CA10: variants seen among roughly 807,000 people sequenced by gnomAD.
CA10 encodes the protein carbonic anhydrase-related protein 10.
In CA10, 14 loss-of-function variants were observed where a neutral mutation model predicts 44.2. That is an observed-to-expected ratio of 0.32 (90% CI 0.21 to 0.50). CA10 has a LOEUF of 0.50. CA10 is among the 20% of genes least tolerant of loss of function. CA10 has a pLI of 0.99. For missense variants in CA10, 350 were observed against 409.7 expected, an observed-to-expected ratio of 0.85 and a Z score of 1.26; for synonymous variants, 159 against 141.6, an observed-to-expected ratio of 1.12 and a Z score of -0.87.
intron 2 of CA10, among the ~76,000 whole-genome samples, chr17:51,978,182 T>G (rs1490377376): frequency 6.6e-6 from 1 of 152,068 alleles, no homozygotes; most frequent in Non-Finnish European, 1.5e-5. Flanking sequence ...ATTCTAAAGT[T>G]TATATAATAA....
intron 1 of CA10, among the ~76,000 whole-genome samples, chr17:52,096,317 GGAA>G (rs1486845306): frequency 1.3e-5 from 2 of 152,160 alleles, no homozygotes; most frequent in South Asian, 2.1e-4. Flanking sequence ...TCTACTGTCA[GGAA>G]GAAGGAGTCT....
intron 4 of CA10, among the ~76,000 whole-genome samples, chr17:51,682,608 C>T (rs1271307): frequency 0.43 from 64,697 of 151,914 alleles, 14,170 homozygotes; most frequent in African/African-American, 0.52. Flanking sequence ...CAGCGGATTC[C>T]TTCTTAAGCG....
At chr17:52,072,716 C>CACACACACACA (rs776721118) in intron 1 of CA10, among the ~76,000 whole-genome samples, 1 of 123,400 alleles carries the variant, frequency 8.1e-6, no homozygotes, top group East Asian at 2.2e-4. Context: ...CACACACACA[C>CACACACACACA]AACACACACA....
intron 1 of CA10, among the ~76,000 whole-genome samples, chr17:52,151,321 G>T (rs2143412468): frequency 6.6e-6 from 1 of 151,778 alleles, no homozygotes; most frequent in Non-Finnish European, 1.5e-5. Flanking sequence ...ATATCTTCTT[G>T]TCTATGAACA....
At chr17:51,673,007 G>C (rs1382885299) in intron 4 of CA10, among the ~76,000 whole-genome samples, 1 of 152,178 alleles carries the variant, frequency 6.6e-6, no homozygotes, top group African/African-American at 2.4e-5. Flanking sequence ...ACTCTGTCTT[G>C]GCTGAGACAA....
intron 4 of CA10, among the ~76,000 whole-genome samples, chr17:51,673,617 C>T (rs940218342): frequency 2.6e-5 from 4 of 152,222 alleles, no homozygotes; most frequent in Non-Finnish European, 5.9e-5. Flanking sequence ...AGTGCTACTG[C>T]TTCAGATCAG....
chr17:51,874,548 T>A (rs915312430), intron 3 of CA10, among the ~76,000 whole-genome samples: 1 of 152,138 alleles, frequency 6.6e-6, no homozygotes, highest in Non-Finnish European at 1.5e-5. Flanking sequence ...TCTGACCACA[T>A]GCACCAGGAA....
intron 1 of CA10, among the ~76,000 whole-genome samples, chr17:52,079,894 T>G (rs190167157): frequency 6.6e-6 from 1 of 152,226 alleles, no homozygotes; most frequent in Non-Finnish European, 1.5e-5. Flanking sequence ...GAAACTCATT[T>G]CTATCTCTCC....
At chr17:52,148,746 G>C (rs901571607) in intron 1 of CA10, among the ~76,000 whole-genome samples, 6 of 152,092 alleles carry the variant, frequency 3.9e-5, no homozygotes, top group African/African-American at 1.4e-4. Flanking sequence ...CAGGCACTGG[G>C]TTGGGTAATG....
At chr17:52,028,666 G>A (rs936264126) in intron 2 of CA10, among the ~76,000 whole-genome samples, 3 of 152,080 alleles carry the variant, frequency 2.0e-5, no homozygotes, top group African/African-American at 7.2e-5. Flanking sequence ...ACCTGGGTGT[G>A]GACAAAATAA....
intron 2 of CA10, among the ~76,000 whole-genome samples, chr17:51,946,001 T>G (rs1983258721): frequency 6.6e-6 from 1 of 152,122 alleles, no homozygotes; most frequent in Admixed American, 6.6e-5. Context: ...ATCTTGTCAT[T>G]TGGGACAACA....
At chr17:51,899,158 A>G (rs1440623573) in intron 3 of CA10, among the ~76,000 whole-genome samples, 3 of 151,980 alleles carry the variant, frequency 2.0e-5, no homozygotes, top group African/African-American at 7.2e-5. Context: ...AGACCTTTCT[A>G]AAGTTTTGAT....
intron 1 of CA10, among the ~76,000 whole-genome samples, chr17:52,112,580 T>C (rs1255930262): frequency 1.3e-5 from 2 of 152,242 alleles, no homozygotes; most frequent in African/African-American, 2.4e-5. Context: ...CTATCACTTA[T>C]TAGCTGTGGT....
chr17:51,868,002 T>G (rs558930875), intron 3 of CA10, among the ~76,000 whole-genome samples: 1 of 151,878 alleles, frequency 6.6e-6, no homozygotes, highest in African/African-American at 2.4e-5. Context: ...TAAACATAAA[T>G]AAGCCTAGGT....
intron 3 of CA10, among the ~76,000 whole-genome samples, chr17:51,867,247 G>T (rs748914427): frequency 3.3e-5 from 5 of 152,148 alleles, no homozygotes; most frequent in Non-Finnish European, 7.3e-5. Context: ...TCCTGGTACT[G>T]ATGACTCGTG....
chr17:51,917,365 C>T (rs1241306155), intron 3 of CA10, among the ~76,000 whole-genome samples: 3 of 106,086 alleles, frequency 2.8e-5, no homozygotes, highest in Admixed American at 9.1e-5. Flanking sequence ...TGAAGGCTGC[C>T]TCCCTAGACC....
intron 3 of CA10, among the ~76,000 whole-genome samples, chr17:51,911,085 A>AT (rs1981771345): frequency 6.6e-6 from 1 of 152,168 alleles, no homozygotes; most frequent in African/African-American, 2.4e-5. Context: ...AACCTAAAGC[A>AT]TTATGTGACA....
At chr17:52,100,333 C>T (rs1189166329) in intron 1 of CA10, among the ~76,000 whole-genome samples, 1 of 152,106 alleles carries the variant, frequency 6.6e-6, no homozygotes, top group Non-Finnish European at 1.5e-5. Context: ...GATAGAGATA[C>T]AGATAGTTTA....
chr17:51,932,945 A>G (rs1238419523), intron 2 of CA10, among the ~76,000 whole-genome samples: 3 of 152,102 alleles, frequency 2.0e-5, no homozygotes, highest in Non-Finnish European at 4.4e-5. Context: ...ATATTTATTT[A>G]TCCCTCAATC....
Sources: allele counts gnomAD v4.1 joint callset (sites outside exome capture counted in the v4.1 genomes callset), GRCh38; gene constraint gnomAD v4.1.1; transcripts MANE v1.5; gene names NCBI Gene and HGNC (gene_info 2026-07-23, HGNC 2026-07-21).